The following NPY2R variants were observed in gnomAD, a reference collection of about 807,000 sequenced individuals.
NPY2R encodes neuropeptide Y receptor type 2.
A neutral mutation model predicts 22.3 loss-of-function variants in NPY2R; 17 were observed. That is an observed-to-expected ratio of 0.76 (90% CI 0.52 to 1.14). NPY2R has a LOEUF of 1.14. Among genes scored for constraint, NPY2R ranks in the 50% most tolerant of loss-of-function variants. NPY2R has a pLI of 0.00. For synonymous variants in NPY2R, 209 were observed against 183.4 expected (o/e 1.14, Z -1.13); for missense variants, 424 against 467.9 (o/e 0.91, Z 0.87).
intron 1 of NPY2R, among the ~76,000 whole-genome samples, chr4:155,211,611 T>C (rs1729407040): frequency 6.6e-6 from 1 of 152,182 alleles, no homozygotes; most frequent in African/African-American, 2.4e-5. Flanking sequence ...AATGAAAGCA[T>C]ACATGTATGT....
chr4:155,204,525 A>T (rs1729245986), upstream of NPY2R, among the ~76,000 whole-genome samples: 1 of 152,188 alleles, frequency 6.6e-6, no homozygotes, highest in Non-Finnish European at 1.5e-5. Flanking sequence ...TGCTGGATTT[A>T]TGTGAAAGAA....
the NPY2R span, among the ~76,000 whole-genome samples, chr4:155,199,932 G>A: frequency 4.6e-5 from 7 of 151,962 alleles, no homozygotes; most frequent in Admixed American, 1.3e-4. Context: ...AGGCAATACC[G>A]TTAATGACAT....
intron 1 of NPY2R, among the ~76,000 whole-genome samples, chr4:155,213,400 G>C (rs2111043337): frequency 6.6e-6 from 1 of 152,266 alleles, no homozygotes; most frequent in South Asian, 2.1e-4. Context: ...CCAAGGTTCA[G>C]GCACCAGACA....
rs1207756714 is a variant in NPY2R at position 155,214,093 on chromosome 4, G to T, written c.154G>T (p.Val52Phe). The change falls in exon 2 of 2, where the codon GTT becomes TTT. Residue 52 changes from valine to phenylalanine, a missense_variant. Val to Phe is a conservative substitution (Grantham distance 50). Transcript: ENST00000329476. ...TACCAAGCTGATTGAGGTACAAGTTGTTCTCATATTGGCCTACTGCTCCAT... is the reference window on the plus strand; with the variant it reads ...TACCAAGCTGATTGAGGTACAAGTTTTTCTCATATTGGCCTACTGCTCCAT... ...DSTKLIEVQVVLILAYCSIIL... is the reference protein window; with the variant it reads ...DSTKLIEVQVFLILAYCSIIL... 1 of 1,613,990 alleles carries T rather than the reference G, an allele frequency of 6.2e-7. No individual in the cohort carries two copies. Among genetic ancestry groups the T allele is most frequent in the South Asian group, 1.1e-5 (1 of 91,078 alleles).
At chr4:155,192,575 TA>T in the NPY2R span, among the ~76,000 whole-genome samples, 1 of 151,996 alleles carries the variant, frequency 6.6e-6, no homozygotes, top group African/African-American at 2.4e-5. Flanking sequence ...TTGCTCTTAG[TA>T]AATATATTTA....
At chr4:155,194,128 C>CTT in the NPY2R span, among the ~76,000 whole-genome samples, 1 of 149,948 alleles carries the variant, frequency 6.7e-6, no homozygotes, top group Non-Finnish European at 1.5e-5. Flanking sequence ...CTCGACAAAG[C>CTT]TAGAAAAATG....
chr4:155,201,595 A>G, the NPY2R span, among the ~76,000 whole-genome samples: 117 of 152,222 alleles, frequency 7.7e-4, 3 homozygotes, highest in Middle Eastern at 0.01. Flanking sequence ...AGGTTGCAAT[A>G]AGAAAGCAGG....
the NPY2R span, among the ~76,000 whole-genome samples, chr4:155,201,095 G>A: frequency 6.6e-6 from 1 of 152,086 alleles, no homozygotes; most frequent in Non-Finnish European, 1.5e-5. Context: ...GATGGGTAAT[G>A]ATATTTCTCT....
chr4:155,214,433 GC>G lies in NPY2R; in HGVS notation c.495del (p.Phe166SerfsTer2). On this transcript the variant is annotated frameshift_variant, in exon 2 of 2. Transcript: ENST00000329476. LOFTEE classifies it high-confidence loss of function. ...HLESKISKRI[S>X]FLIIGLAWGI... ...GAGAGCAAGATCTCCAAGCGAATCAGCTTCCTGATTATTGGCTTGGCCTGGG... is the reference window on the plus strand; with the variant it reads ...GAGAGCAAGATCTCCAAGCGAATCAGTTCCTGATTATTGGCTTGGCCTGGG... The G allele has an allele frequency of 1.2e-6, 2 of 1,614,086 alleles. No homozygotes were observed. Among genetic ancestry groups the G allele is most frequent in the Non-Finnish European group, 1.7e-6 (2 of 1,180,016 alleles).
the NPY2R span, among the ~76,000 whole-genome samples, chr4:155,192,599 C>G: frequency 3.3e-5 from 5 of 151,930 alleles, no homozygotes; most frequent in African/African-American, 1.2e-4. Flanking sequence ...ATCTCACACA[C>G]AGTTTTAAAA....
the NPY2R span, among the ~76,000 whole-genome samples, chr4:155,201,717 C>T: frequency 6.6e-6 from 1 of 152,024 alleles, no homozygotes; most frequent in Non-Finnish European, 1.5e-5. Flanking sequence ...TTATTGTGTG[C>T]CCTAGATTAC....
At chr4:155,191,261 G>T in the NPY2R span, among the ~76,000 whole-genome samples, 1 of 151,926 alleles carries the variant, frequency 6.6e-6, no homozygotes, top group South Asian at 2.1e-4. Context: ...TGGTTAATGC[G>T]AACCTAGCTC....
the NPY2R span, among the ~76,000 whole-genome samples, chr4:155,184,254 TC>T: frequency 7.9e-5 from 12 of 152,106 alleles, no homozygotes; most frequent in African/African-American, 2.2e-4. Context: ...CCCAGATAAG[TC>T]CCTTGACAGA....
the NPY2R span, among the ~76,000 whole-genome samples, chr4:155,180,714 C>T: frequency 1.3e-5 from 2 of 151,732 alleles, no homozygotes; most frequent in African/African-American, 4.8e-5. Context: ...TCCAATTAGG[C>T]TTCATGTTTT....
At position 155,215,433 on chromosome 4, in the gene NPY2R, T is replaced by C. The variant is rs1729495588; in HGVS notation, c.*348T>C. 5 of 386,042 alleles carry C rather than the reference T, an allele frequency of 1.3e-5. No individual in the cohort carries two copies. The highest frequency in any genetic ancestry group is 9.1e-5 in the South Asian group (4 of 44,192). 23.9% of individuals were successfully genotyped at this position (386,042 alleles called of 1,614,324 possible). ...TGCTGAGAGACGGTGGGAAAATAAGTTGACTTTCAAATCACGTTAGGACCT... is the reference window on the plus strand; with the variant it reads ...TGCTGAGAGACGGTGGGAAAATAAGCTGACTTTCAAATCACGTTAGGACCT... On this transcript the variant is annotated 3_prime_UTR_variant, in exon 2 of 2. Transcript: ENST00000329476.
In NPY2R at chr4:155,214,208, C is replaced by T. The variant is rs757654478; in HGVS notation, c.269C>T (p.Ala90Val). ...SMRTVTNFFIANLAVADLLVN... is the reference protein window; with the variant it reads ...SMRTVTNFFIVNLAVADLLVN... ...CGCACAGTAACCAACTTTTTCATTG[C>T]CAATCTGGCTGTGGCAGATCTTTTG... is the stretch of plus-strand genomic sequence containing the variant. The change falls in exon 2 of 2, where the codon GCC becomes GTC. Residue 90 changes from alanine to valine, a missense_variant. Ala to Val is a moderately conservative substitution (Grantham distance 64). Transcript: ENST00000329476. 8.1e-6 allele frequency: 13 copies of T among 1,614,036 alleles called. No homozygotes were observed. The highest frequency in any genetic ancestry group is 1.1e-5 in the South Asian group (1 of 91,090).
chr4:155,210,212 A>C (rs1729375619), intron 1 of NPY2R, among the ~76,000 whole-genome samples: 1 of 151,204 alleles, frequency 6.6e-6, no homozygotes, highest in South Asian at 2.1e-4. Context: ...CTGTCATGAA[A>C]TGATGCATTT....
chr4:155,196,207 C>T, the NPY2R span, among the ~76,000 whole-genome samples: 1 of 151,910 alleles, frequency 6.6e-6, no homozygotes, highest in East Asian at 1.9e-4. Context: ...CTTCTGACAG[C>T]TTCACTTTTT....
intron 1 of NPY2R, among the ~76,000 whole-genome samples, chr4:155,211,619 T>C (rs536999032): frequency 1.3e-5 from 2 of 152,338 alleles, no homozygotes; most frequent in South Asian, 4.1e-4. Context: ...CATACATGTA[T>C]GTTATTATCA....
Sources: gnomAD v4.1 joint callset for allele counts (sites outside exome capture counted in the v4.1 genomes callset) on GRCh38, gnomAD v4.1.1 for gene constraint, MANE v1.5 for transcripts, NCBI Gene and HGNC (gene_info 2026-07-23, HGNC 2026-07-21) for gene names.